RBFOX1: variants seen among roughly 807,000 people sequenced by gnomAD.
RBFOX1 encodes the protein RNA binding fox-1 homolog 1, also known as RNA binding protein fox-1 homolog 1.
A neutral mutation model predicts 57.7 loss-of-function variants in RBFOX1; 8 were observed. That is an observed-to-expected ratio of 0.14 (90% confidence interval 0.08 to 0.25). RBFOX1 has a LOEUF of 0.25. Among genes scored for constraint, RBFOX1 ranks in the 10% least tolerant of loss-of-function variants. The pLI is 1.00. For synonymous variants in RBFOX1, 326 were observed against 222.4 expected, an observed-to-expected ratio of 1.47 and a Z score of -4.15; for missense variants, 611 against 548.5, an observed-to-expected ratio of 1.11 and a Z score of -1.14.
intron 3 of RBFOX1, among the ~76,000 whole-genome samples, chr16:6,803,808 G>T (rs1220040664): frequency 6.6e-6 from 1 of 152,002 alleles, no homozygotes; most frequent in African/African-American, 2.4e-5. Context: ...GTTGTACTGG[G>T]AGATTCACAG....
intron 3 of RBFOX1, among the ~76,000 whole-genome samples, chr16:6,709,145 T>G (rs530633781): frequency 6.6e-6 from 1 of 152,148 alleles, no homozygotes; most frequent in Non-Finnish European, 1.5e-5. Flanking sequence ...TAAAGATGCT[T>G]TATTGAAAGC....
intron 4 of RBFOX1, among the ~76,000 whole-genome samples, chr16:7,469,178 C>T (rs1342650577): frequency 6.6e-6 from 1 of 152,052 alleles, no homozygotes; most frequent in Non-Finnish European, 1.5e-5. Context: ...TCATGATCTA[C>T]CCGACTTGGC....
At chr16:5,872,622 G>C (rs1157449778) in intron 4 of RBFOX1, among the ~76,000 whole-genome samples, 3 of 152,172 alleles carry the variant, frequency 2.0e-5, no homozygotes, top group East Asian at 3.9e-4. Context: ...TGTAGTCCCA[G>C]CTACTCAGGA....
chr16:5,433,680 G>C (rs1332522972), intron 1 of RBFOX1, among the ~76,000 whole-genome samples: 1 of 152,176 alleles, frequency 6.6e-6, no homozygotes, highest in East Asian at 1.9e-4. Flanking sequence ...CAATTACAAC[G>C]AATAAATGAA....
At chr16:7,200,154 G>C (rs536188167) in intron 4 of RBFOX1, among the ~76,000 whole-genome samples, 1 of 152,280 alleles carries the variant, frequency 6.6e-6, no homozygotes, top group Non-Finnish European at 1.5e-5. Context: ...GCTACAAATT[G>C]GGCCTCCACC....
At chr16:6,353,659 C>G (rs1041211545) in intron 2 of RBFOX1, among the ~76,000 whole-genome samples, 1 of 152,004 alleles carries the variant, frequency 6.6e-6, no homozygotes, top group African/African-American at 2.4e-5. Flanking sequence ...ATCTAAGGAC[C>G]CTCGATGTCC....
At chr16:6,591,729 TTA>T (rs1051082013) in intron 2 of RBFOX1, among the ~76,000 whole-genome samples, 21 of 152,336 alleles carry the variant, frequency 1.4e-4, no homozygotes, top group Admixed American at 9.1e-4. Flanking sequence ...ACTATTATAT[TTA>T]ATTGGAAAAT....
At chr16:5,304,103 G>A (rs1266598360) in intron 1 of RBFOX1, among the ~76,000 whole-genome samples, 1 of 152,094 alleles carries the variant, frequency 6.6e-6, no homozygotes, top group African/African-American at 2.4e-5. Flanking sequence ...GAATATTTAA[G>A]TGACACAGCA....
At chr16:5,651,227 C>G (rs934416121) in intron 3 of RBFOX1, among the ~76,000 whole-genome samples, 2 of 151,346 alleles carry the variant, frequency 1.3e-5, no homozygotes, top group African/African-American at 4.9e-5. Context: ...TAATTTTTGT[C>G]TTTTTAGTAG....
intron 4 of RBFOX1, among the ~76,000 whole-genome samples, chr16:7,454,208 G>T (rs552086231): frequency 6.6e-6 from 1 of 152,196 alleles, no homozygotes; most frequent in African/African-American, 2.4e-5. Context: ...ACTCCAGCCT[G>T]GGCAGGAGGG....
At chr16:5,702,050 C>T (rs566880954) in intron 3 of RBFOX1, among the ~76,000 whole-genome samples, 3 of 152,202 alleles carry the variant, frequency 2.0e-5, no homozygotes, top group East Asian at 1.9e-4. Flanking sequence ...GAAATCTAGC[C>T]ATAAGTAGCT....
rs1005107046 is a variant in RBFOX1, at chr16:6,528,303, C to G, written c.-63-126300C>G. 2.0e-5 allele frequency among the ~76,000 whole-genome samples: 3 copies of G among 152,194 alleles called. No individual in the cohort carries two copies. In the East Asian group the frequency reaches 5.8e-4, roughly 29 times the overall value. On this transcript the variant is annotated intron_variant, in intron 2 of 15. Transcript: ENST00000550418. ...TCAGAGACAATTAGACTTCCACTTC[C>G]CAAACTTAGGATGCCTCACTCATTA...
chr16:5,595,136 A>G (rs1689724250), intron 2 of RBFOX1, among the ~76,000 whole-genome samples: 1 of 151,884 alleles, frequency 6.6e-6, no homozygotes, highest in South Asian at 2.1e-4. Flanking sequence ...TCAGAGCAAG[A>G]CTCCATCTCA....
chr16:6,562,468 G>A (rs931035599), intron 2 of RBFOX1, among the ~76,000 whole-genome samples: 2 of 152,186 alleles, frequency 1.3e-5, no homozygotes, highest in Non-Finnish European at 2.9e-5. Context: ...AGCTGTGCTG[G>A]CATACAGGAG....
intron 1 of RBFOX1, among the ~76,000 whole-genome samples, chr16:5,369,740 C>A (rs545775622): frequency 1.3e-5 from 2 of 152,210 alleles, no homozygotes; most frequent in African/African-American, 4.8e-5. Flanking sequence ...TGAAGCCACC[C>A]TTTCCCTTCC....
chr16:6,208,522 G>C (rs1846043042), intron 1 of RBFOX1, among the ~76,000 whole-genome samples: 1 of 152,100 alleles, frequency 6.6e-6, no homozygotes, highest in African/African-American at 2.4e-5. Context: ...GTCCCCATCT[G>C]GGAACAGGGA....
chr16:6,676,674 T>A (rs1468388100), intron 3 of RBFOX1, among the ~76,000 whole-genome samples: 1 of 26,388 alleles, frequency 3.8e-5, no homozygotes. Context: ...TTTTCTTTTC[T>A]TTTTTTTTTT....
intron 3 of RBFOX1, among the ~76,000 whole-genome samples, chr16:6,755,314 C>A (rs537230700): frequency 5.3e-5 from 8 of 152,274 alleles, no homozygotes; most frequent in African/African-American, 1.7e-4. Context: ...TTTACAGTCC[C>A]ACCAACAGTG....
intron 4 of RBFOX1, among the ~76,000 whole-genome samples, chr16:7,061,166 C>T (rs182167702): frequency 1.3e-5 from 2 of 152,292 alleles, no homozygotes; most frequent in East Asian, 3.9e-4. Context: ...GTAATTAGTT[C>T]TCTACTTCTA....
Sources: allele counts gnomAD v4.1 joint callset (sites outside exome capture counted in the v4.1 genomes callset), GRCh38; gene constraint gnomAD v4.1.1; transcripts MANE v1.5; gene names NCBI Gene and HGNC (gene_info 2026-07-23, HGNC 2026-07-21).